KBTBD11: variants seen among roughly 807,000 people sequenced by gnomAD.
KBTBD11 encodes kelch repeat and BTB domain containing 11.
For missense variants in KBTBD11, 1,390 were observed against 1,001.8 expected (o/e 1.39, Z -5.23); for synonymous variants, 747 against 499.0 (o/e 1.50, Z -6.63).
intron 1 of KBTBD11, among the ~76,000 whole-genome samples, chr8:1,985,954 C>G (rs187066984): frequency 1.8e-4 from 27 of 152,372 alleles, no homozygotes; most frequent in Admixed American, 3.3e-4. Context: ...CATCCACACT[C>G]CCGCGTGGCA....
intron 1 of KBTBD11, among the ~76,000 whole-genome samples, chr8:1,997,865 C>T (rs995965335): frequency 3.3e-5 from 5 of 152,196 alleles, no homozygotes; most frequent in African/African-American, 9.6e-5. Flanking sequence ...CGCAGGGGGA[C>T]GGCGGCAACG....
rs1242478969 is a variant in KBTBD11 at position 2,000,500 on chromosome 8, T to C, written c.-693T>C. 1.3e-5 allele frequency: 2 copies of C among 151,952 alleles called. No homozygotes were observed. The highest frequency in any genetic ancestry group is 2.4e-5 in the African/African-American group (1 of 41,232). The allele number at this position is 151,952 out of a possible 1,614,324, so 9.4% of individuals were successfully genotyped here. Reference sequence around the variant, plus strand: ...TCCTGAGACCAGCACACAGGACCAGTGTCCTCCCCGTGACCTTGCAGTTGT... The same window carrying C: ...TCCTGAGACCAGCACACAGGACCAGCGTCCTCCCCGTGACCTTGCAGTTGT... On this transcript the variant is annotated 5_prime_UTR_variant, in exon 2 of 2. Coordinates refer to ENST00000320248, the MANE Select transcript of KBTBD11 (RefSeq NM_014867.3).
At chr8:1,977,800 TG>T (rs1225670582) in intron 1 of KBTBD11, among the ~76,000 whole-genome samples, 54 of 152,266 alleles carry the variant, frequency 3.5e-4, no homozygotes, top group Non-Finnish European at 4.9e-4. Context: ...CCTCCCAAAG[TG>T]CTGGGATTAC....
chr8:2,003,160 G>C lies in KBTBD11; in HGVS notation c.*96G>C. On this transcript the variant is annotated 3_prime_UTR_variant, in exon 2 of 2. Transcript: ENST00000320248. ...GAGGACGTGGTGGGGAGTCGGGGCC[G>C]CTGGCCACGCTGGTGGTTTGGACAC... 8.0e-7 allele frequency: 1 copy of C among 1,245,830 alleles called. No homozygotes were observed. The highest frequency in any genetic ancestry group is 1.0e-6 in the Non-Finnish European group (1 of 987,596). The allele number at this position is 1,245,830 out of a possible 1,614,324, so 77.2% of individuals were successfully genotyped here. A position where few individuals can be genotyped will look rare whatever the true frequency, so the allele number is the denominator to read the frequency against.
At chr8:1,993,331 A>C (rs1816986899) in intron 1 of KBTBD11, among the ~76,000 whole-genome samples, 1 of 151,884 alleles carries the variant, frequency 6.6e-6, no homozygotes, top group South Asian at 2.1e-4. Flanking sequence ...CTATCCATCC[A>C]GTCGCCCATC....
Position 2,001,711 on chromosome 8 carries a change from G to C in KBTBD11, c.519G>C (p.Val173=), listed in dbSNP as rs1817368516. Residue 173 remains valine, a synonymous_variant, in exon 2 of 2, where the codon GTG becomes GTC. Transcript: ENST00000320248. ...TCCGCGCGCGCGCGTCGCGGGACGT[G>C]CTGCGGGTGCAGGGAGTGAGCCTGA... ...DYFRARASRD[V]LRVQGVSLTA... 2.1e-6 allele frequency: 3 copies of C among 1,425,752 alleles called. No individual in the cohort carries two copies. Among genetic ancestry groups the C allele is most frequent in the African/African-American group, 3.0e-5 (2 of 66,834 alleles). The allele number at this position is 1,425,752 out of a possible 1,614,324, so 88.3% of individuals were successfully genotyped here.
chr8:1,989,408 G>A (rs1481761885), intron 1 of KBTBD11, among the ~76,000 whole-genome samples: 1 of 152,162 alleles, frequency 6.6e-6, no homozygotes, highest in Non-Finnish European at 1.5e-5. Context: ...AGGCGCCAGC[G>A]GCTCCCTGTC....
In KBTBD11 at chr8:2,005,239, T is replaced by C. The variant is rs1316496898; in HGVS notation, c.*2175T>C. 1 of 166,996 alleles carries C rather than the reference T, an allele frequency of 6.0e-6. No individual in the cohort carries two copies. Among genetic ancestry groups the C allele is most frequent in the African/African-American group, 2.4e-5 (1 of 41,432 alleles). The allele number at this position is 166,996 out of a possible 1,614,324, so 10.3% of individuals were successfully genotyped here. A position where few individuals can be genotyped will look rare whatever the true frequency, so the allele number is the denominator to read the frequency against. On this transcript the variant is annotated 3_prime_UTR_variant, in exon 2 of 2. Coordinates refer to ENST00000320248, the MANE Select transcript of KBTBD11 (RefSeq NM_014867.3). The stretch of plus-strand genomic sequence containing the variant: ...GCAGCAAAGCCCCAGGTGCTCCCTG[T>C]CACCTCACAACAAAATGCACTAAGA...
chr8:1,999,439 A>G (rs1817262821), intron 1 of KBTBD11, among the ~76,000 whole-genome samples: 1 of 152,224 alleles, frequency 6.6e-6, no homozygotes, highest in East Asian at 1.9e-4. Context: ...TTTCTTTAGA[A>G]GGCCAGAATG....
chr8:1,987,007 CAAAAAAAAAAAAA>C (rs59934216), intron 1 of KBTBD11, among the ~76,000 whole-genome samples: 21 of 62,036 alleles, frequency 3.4e-4, no homozygotes, highest in Admixed American at 1.1e-3. Flanking sequence ...CCTATCTCTC[CAAAAAAAAAAAAA>C]AAAAAAAAAA....
chr8:1,982,480 A>AC (rs1491427671), intron 1 of KBTBD11, among the ~76,000 whole-genome samples: 1 of 135,746 alleles, frequency 7.4e-6, no homozygotes, highest in South Asian at 2.4e-4. Context: ...TTAAAAAAAC[A>AC]TATAAGACCC....
intron 1 of KBTBD11, among the ~76,000 whole-genome samples, chr8:1,993,054 C>A (rs543905197): frequency 6.6e-6 from 1 of 152,076 alleles, no homozygotes; most frequent in Admixed American, 6.5e-5. Flanking sequence ...ATCCTCTGAC[C>A]CCAGCTTCCC....
rs1817452364 is a variant in KBTBD11 at position 2,002,957 on chromosome 8, G to A, written c.1765G>A (p.Gly589Ser). ...GGCCGGCGGCGACGCAGGCCAGGGC[G>A]GCGGCTTCGAGGCGCTGGGCGCCCC... ...GEAGGDAGQG[G>S]GFEALGAPLD... The change falls in exon 2 of 2, where the codon GGC (glycine) becomes AGC (serine). Residue 589 changes from glycine to serine, a missense_variant. Gly to Ser is a moderately conservative substitution (Grantham distance 56, BLOSUM62 0). Transcript: ENST00000320248. The surrounding 1 kb of genome is among the most constrained non-coding windows in gnomAD (Gnocchi z 4.1). 7.6e-7 allele frequency: 1 copy of A among 1,316,632 alleles called. No homozygotes were observed. The highest frequency in any genetic ancestry group is 9.7e-7 in the Non-Finnish European group (1 of 1,034,416). The allele number at this position is 1,316,632 out of a possible 1,614,324, so 81.6% of individuals were successfully genotyped here.
Position 2,001,879 on chromosome 8 carries a change from G to T in KBTBD11, c.687G>T (p.Pro229=), listed in dbSNP as rs1298885777. The change falls in exon 2 of 2, where the codon CCG becomes CCT. Residue 229 remains proline, a synonymous_variant. Transcript: ENST00000320248. The part of the protein sequence containing the change: ...AAQRATDAVG[P]QLSLANCYEV... ...AGCGCGCCACCGACGCCGTGGGGCCGCAGCTGAGCCTGGCCAACTGCTACG... is the reference window on the plus strand; with the variant it reads ...AGCGCGCCACCGACGCCGTGGGGCCTCAGCTGAGCCTGGCCAACTGCTACG... The T allele has an allele frequency of 3.7e-6, 5 of 1,354,160 alleles. No homozygotes were observed. Among genetic ancestry groups the T allele is most frequent in the Admixed American group, 2.6e-5 (1 of 38,178 alleles). 83.9% of individuals were successfully genotyped at this position (1,354,160 alleles called of 1,614,324 possible).
At chr8:2,000,093 T>A (rs1313480755) in intron 1 of KBTBD11, among the ~76,000 whole-genome samples, 192 bp from the exon 2 acceptor site, 2 of 152,178 alleles carry the variant, frequency 1.3e-5, no homozygotes, top group African/African-American at 2.4e-5. Context: ...GAGGGTACTT[T>A]AAAAAATTCC....
chr8:2,005,044 T>C lies in KBTBD11; in HGVS notation c.*1980T>C, dbSNP rs1817529002. 6.0e-6 allele frequency: 1 copy of C among 167,066 alleles called. No homozygotes were observed. The highest frequency in any genetic ancestry group is 1.5e-5 in the Non-Finnish European group (1 of 68,120). 10.3% of individuals were successfully genotyped at this position (167,066 alleles called of 1,614,324 possible). ...TAATGTTTATTGTTTGAAAATGAAATATTGAAATTAGGCTTCCAGAGTAAC... is the reference window on the plus strand; with the variant it reads ...TAATGTTTATTGTTTGAAAATGAAACATTGAAATTAGGCTTCCAGAGTAAC... On this transcript the variant is annotated 3_prime_UTR_variant, in exon 2 of 2. Coordinates refer to ENST00000320248, the MANE Select transcript of KBTBD11 (RefSeq NM_014867.3).
rs75539019 is a variant in KBTBD11 at position 1,987,188 on chromosome 8, A to G, written c.-908-13097A>G. ...CTGTCCTTCCTCTCTCTGTTTTTAC[A>G]CTTCCATAAAAGACATAGGTGTTTT... On this transcript the variant is annotated intron_variant, in intron 1 of 1. Coordinates refer to ENST00000320248, the MANE Select transcript of KBTBD11 (RefSeq NM_014867.3). Among the ~76,000 whole-genome samples, 5,348 of 152,164 alleles carry G rather than the reference A, an allele frequency of 0.035. 501 individuals carry two copies. In the East Asian group the frequency reaches 0.37, roughly 11 times the overall value.
At position 2,003,833 on chromosome 8, in the gene KBTBD11, C is replaced by G. The variant is rs546893211; in HGVS notation, c.*769C>G. On this transcript the variant is annotated 3_prime_UTR_variant, in exon 2 of 2. Coordinates refer to ENST00000320248, the MANE Select transcript of KBTBD11 (RefSeq NM_014867.3). Reference sequence around the variant, plus strand: ...TATTTAAATTTTAAGTCTTCAGTGGCTAAATGTGACCAAACAGCACATCAT... The same window carrying G: ...TATTTAAATTTTAAGTCTTCAGTGGGTAAATGTGACCAAACAGCACATCAT... 1 of 167,068 alleles carries G rather than the reference C, an allele frequency of 6.0e-6. No homozygotes were observed. Among genetic ancestry groups the G allele is most frequent in the Non-Finnish European group, 1.5e-5 (1 of 68,102 alleles). The allele number at this position is 167,068 out of a possible 1,614,324, so 10.3% of individuals were successfully genotyped here. A position where few individuals can be genotyped will look rare whatever the true frequency, so the allele number is the denominator to read the frequency against.
At position 2,003,107 on chromosome 8, in the gene KBTBD11, G is replaced by C; in HGVS notation, c.*43G>C. 7.9e-7 allele frequency: 1 copy of C among 1,258,362 alleles called. No individual in the cohort carries two copies. Among genetic ancestry groups the C allele is most frequent in the Non-Finnish European group, 1.0e-6 (1 of 995,994 alleles). The allele number at this position is 1,258,362 out of a possible 1,614,324, so 77.9% of individuals were successfully genotyped here. ...GCGTCTCCCTCGGCAGGGGTTTGCGGGGCCCAGGTCCCTTTGGGCCCGCGG... is the reference window on the plus strand; with the variant it reads ...GCGTCTCCCTCGGCAGGGGTTTGCGCGGCCCAGGTCCCTTTGGGCCCGCGG... On this transcript the variant is annotated 3_prime_UTR_variant, in exon 2 of 2. Coordinates refer to ENST00000320248, the MANE Select transcript of KBTBD11 (RefSeq NM_014867.3).
Sources: gnomAD v4.1 joint callset for allele counts (sites outside exome capture counted in the v4.1 genomes callset) on GRCh38, gnomAD v4.1.1 for gene constraint, Gnocchi (gnomAD v3.1) non-coding constraint, MANE v1.5 for transcripts, NCBI Gene and HGNC (gene_info 2026-07-23, HGNC 2026-07-21) for gene names.